ZBTB20: variants seen among roughly 807,000 people sequenced by gnomAD.
The protein encoded by ZBTB20 is zinc finger and BTB domain-containing protein 20.
Under a neutral mutation model 56.9 loss-of-function variants are expected in ZBTB20, and 9 were observed. That is an observed-to-expected ratio of 0.16 (90% CI 0.10 to 0.28). ZBTB20 has a LOEUF of 0.28. Among genes scored for constraint, ZBTB20 ranks in the 10% least tolerant of loss-of-function variants. The probability of loss-of-function intolerance (pLI) is 1.00; values close to 1 mark genes in which losing one functional copy is unlikely to be tolerated. For missense variants in ZBTB20, 655 were observed against 1,003.0 expected (o/e 0.65, Z 4.69); for synonymous variants, 417 against 420.7 (o/e 0.99, Z 0.11).
chr3:115,045,443 CAAAT>C, intron 2 of ZBTB20, among the ~76,000 whole-genome samples: 1 of 151,386 alleles, frequency 6.6e-6, no homozygotes, highest in East Asian at 1.9e-4. Context: ...TTTAATTAAA[CAAAT>C]AAAAAGTCAT....
At chr3:115,104,786 T>G (rs1398412861) in intron 1 of ZBTB20, among the ~76,000 whole-genome samples, 1 of 152,186 alleles carries the variant, frequency 6.6e-6, no homozygotes, top group South Asian at 2.1e-4. Flanking sequence ...TAGTGACAGA[T>G]AGATGTCATA....
chr3:114,323,120 C>T lies in ZBTB20; in HGVS notation c.*15885G>A, dbSNP rs2078952728. The T allele has an allele frequency of 1.3e-5, 2 of 152,102 alleles. No individual in the cohort carries two copies. The highest frequency in any genetic ancestry group is 2.9e-5 in the Non-Finnish European group (2 of 68,016). The allele number at this position is 152,102 out of a possible 1,614,324, so 9.4% of individuals were successfully genotyped here. On this transcript the variant is annotated 3_prime_UTR_variant, in exon 12 of 12. Coordinates refer to ENST00000675478, the MANE Select transcript of ZBTB20 (RefSeq NM_001348800.3). Reference sequence around the variant, plus strand: ...CTGTGATGAAAGATTCTTTTATTAACAGTTACTAAAGAGCTGTCAAACTCT... The same window carrying T: ...CTGTGATGAAAGATTCTTTTATTAATAGTTACTAAAGAGCTGTCAAACTCT...
chr3:114,314,618 A>C lies in ZBTB20; in HGVS notation c.*24387T>G, dbSNP rs1316866365. 1.3e-5 allele frequency: 2 copies of C among 151,874 alleles called. No individual in the cohort carries two copies. Among genetic ancestry groups the C allele is most frequent in the Non-Finnish European group, 2.9e-5 (2 of 67,964 alleles). 9.4% of individuals were successfully genotyped at this position (151,874 alleles called of 1,614,324 possible). A position where few individuals can be genotyped will look rare whatever the true frequency, so the allele number is the denominator to read the frequency against. ...AAAGTGCTGGTAACATTTAAAAAAA[A>C]AACAACAAAAACCCCAAAAAAACAA... On this transcript the variant is annotated 3_prime_UTR_variant, in exon 12 of 12. Transcript: ENST00000675478.
chr3:114,593,182 A>G (rs975355779), intron 6 of ZBTB20, among the ~76,000 whole-genome samples: 2 of 152,158 alleles, frequency 1.3e-5, no homozygotes, highest in Non-Finnish European at 2.9e-5. Flanking sequence ...AAAAAAGTAG[A>G]TATTTTGAGG....
At chr3:115,062,800 A>C (rs961902481) in intron 2 of ZBTB20, among the ~76,000 whole-genome samples, 7 of 152,176 alleles carry the variant, frequency 4.6e-5, no homozygotes, top group African/African-American at 1.7e-4. Context: ...TGAGTCAGCA[A>C]ACAGTTAAAA....
At position 114,996,371 on chromosome 3, in the gene ZBTB20, C is replaced by A. The variant is rs531815328; in HGVS notation, c.-506-21955G>T. ...ATCCCTCCCCTAGCCTCCCACCCCC[C>A]AAAAGGCCCTGGTGTGTGATGTTCC... On this transcript the variant is annotated intron_variant, in intron 2 of 11. Transcript: ENST00000675478. 4.1e-4 allele frequency among the ~76,000 whole-genome samples: 63 copies of A among 151,830 alleles called. No individual in the cohort carries two copies. The Middle Eastern group carries it at 0.024, about 57-fold the overall frequency.
intron 6 of ZBTB20, among the ~76,000 whole-genome samples, chr3:114,623,143 A>G (rs1439926997): frequency 6.6e-6 from 1 of 152,210 alleles, no homozygotes; most frequent in Non-Finnish European, 1.5e-5. Flanking sequence ...CCTCTAGAAA[A>G]GAAACTAGGC....
At chr3:115,060,502 A>G (rs1225003329) in intron 2 of ZBTB20, among the ~76,000 whole-genome samples, 1 of 152,130 alleles carries the variant, frequency 6.6e-6, no homozygotes, top group Non-Finnish European at 1.5e-5. Context: ...CAGGGCATTT[A>G]TGTGATTTAT....
At chr3:114,760,808 T>C (rs1341461496) in intron 5 of ZBTB20, among the ~76,000 whole-genome samples, 1 of 152,194 alleles carries the variant, frequency 6.6e-6, no homozygotes, top group Non-Finnish European at 1.5e-5. Context: ...ATTTATCTTC[T>C]TTTACTATGG....
chr3:114,582,229 A>G (rs2054705925), intron 6 of ZBTB20: 1 of 152,200 alleles, frequency 6.6e-6, no homozygotes, highest in Non-Finnish European at 1.5e-5. Context: ...ATACTCATCA[A>G]GGTATACACT....
chr3:114,940,242 T>C lies in ZBTB20; in HGVS notation c.-456+34124A>G, dbSNP rs1238913734. Among the ~76,000 whole-genome samples, 2 of 146,584 alleles carry C rather than the reference T, an allele frequency of 1.4e-5. 1 individual carries two copies. Among genetic ancestry groups the C allele is most frequent in the African/African-American group, 5.5e-5 (2 of 36,160 alleles). On this transcript the variant is annotated intron_variant, in intron 3 of 11. Coordinates refer to ENST00000675478, the MANE Select transcript of ZBTB20 (RefSeq NM_001348800.3). Reference sequence around the variant, plus strand: ...AGAAAGTGCATAATTTAAGCCCATATGTCCCATGTCCTAAAGATACCTGTC... The same window carrying C: ...AGAAAGTGCATAATTTAAGCCCATACGTCCCATGTCCTAAAGATACCTGTC...
intron 6 of ZBTB20, among the ~76,000 whole-genome samples, chr3:114,526,573 T>C (rs1444430270): frequency 6.6e-6 from 1 of 152,134 alleles, no homozygotes; most frequent in African/African-American, 2.4e-5. Flanking sequence ...CATAAATCCC[T>C]GGAAAAAGAA....
chr3:115,128,162 G>A (rs2084387899), intron 1 of ZBTB20, among the ~76,000 whole-genome samples: 1 of 152,102 alleles, frequency 6.6e-6, no homozygotes, highest in Non-Finnish European at 1.5e-5. Flanking sequence ...GTATTATTGA[G>A]AAACAGTGAA....
intron 6 of ZBTB20, among the ~76,000 whole-genome samples, chr3:114,545,588 A>G (rs1317507613): frequency 6.6e-6 from 1 of 152,172 alleles, no homozygotes; most frequent in Non-Finnish European, 1.5e-5. Context: ...GAGATTAGCA[A>G]TAGGGCAGTT....
chr3:115,120,848 GA>G (rs1251445019), intron 1 of ZBTB20, among the ~76,000 whole-genome samples: 3 of 151,840 alleles, frequency 2.0e-5, no homozygotes, highest in African/African-American at 7.2e-5. Flanking sequence ...AAAAAGATAA[GA>G]AAAAAGTGAT....
chr3:114,769,806 C>T (rs2108737195), intron 5 of ZBTB20, among the ~76,000 whole-genome samples: 1 of 152,054 alleles, frequency 6.6e-6, no homozygotes, highest in South Asian at 2.1e-4. Flanking sequence ...GACCTGTAAT[C>T]CCAGAACTTT....
At chr3:114,968,360 G>A (rs571967577) in intron 3 of ZBTB20, among the ~76,000 whole-genome samples, 41 of 152,242 alleles carry the variant, frequency 2.7e-4, no homozygotes, top group African/African-American at 9.1e-4. Context: ...TTAAAAAACT[G>A]ATTATTTGTG....
At chr3:114,688,679 T>C (rs2062504175) in intron 6 of ZBTB20, among the ~76,000 whole-genome samples, 2 of 152,196 alleles carry the variant, frequency 1.3e-5, no homozygotes, top group Non-Finnish European at 2.9e-5. Context: ...GATCAATTTG[T>C]TTCTCCAAAG....
chr3:114,727,172 G>C (rs1437194180), intron 5 of ZBTB20, among the ~76,000 whole-genome samples: 1 of 152,050 alleles, frequency 6.6e-6, no homozygotes, highest in Admixed American at 6.6e-5. Flanking sequence ...CTGTGGGAAT[G>C]AAGAGGCCCA....
Sources: allele counts gnomAD v4.1 joint callset (sites outside exome capture counted in the v4.1 genomes callset), GRCh38; gene constraint gnomAD v4.1.1; transcripts MANE v1.5; gene names NCBI Gene and HGNC (gene_info 2026-07-23, HGNC 2026-07-21).